Variants in PCDHB4 observed in about 807,000 individuals in gnomAD.
PCDHB4 encodes the protein protocadherin beta-4.
For synonymous variants in PCDHB4, 482 were observed against 447.3 expected (o/e 1.08, Z -0.98); for missense variants, 1,063 against 1,007.0 (o/e 1.06, Z -0.75).
At position 141,122,203 on chromosome 5, in the gene PCDHB4, G is replaced by A. The variant is rs782748805; in HGVS notation, c.205G>A (p.Asp69Asn). The A allele has an allele frequency of 1.9e-6, 3 of 1,614,182 alleles. No individual in the cohort carries two copies. The highest frequency in any genetic ancestry group is 1.1e-5 in the South Asian group (1 of 91,058). Residue 69 changes from aspartate to asparagine, a missense_variant, in exon 1 of 1, where the codon GAT becomes AAT. Physicochemically the swap from Asp to Asn is conservative, Grantham distance 23. Transcript: ENST00000194152. ...ASRSARVLSD[D>N]DKQRLQLDRQ... ...CCGGTCAGCCCGGGTGCTGTCTGAC[G>A]ATGACAAGCAGCGTTTGCAGCTGGA...
In PCDHB4 at chr5:141,124,634, A is replaced by G; in HGVS notation, c.*248A>G. On this transcript the variant is annotated 3_prime_UTR_variant, in exon 1 of 1. Coordinates refer to ENST00000194152, the MANE Select transcript of PCDHB4 (RefSeq NM_018938.4). ...TCTATTGGTGATTAATCTTTTTGTA[A>G]TCATAAATTACTCAATTAGGATAAA... The G allele has an allele frequency of 3.0e-6, 1 of 332,218 alleles. No homozygotes were observed. 20.6% of individuals were successfully genotyped at this position (332,218 alleles called of 1,614,324 possible). A position where few individuals can be genotyped will look rare whatever the true frequency, so the allele number is the denominator to read the frequency against.
rs782143153 is a variant in PCDHB4, at chr5:141,123,227, G to A, written c.1229G>A (p.Arg410Gln). The change falls in exon 1 of 1, where the codon CGA becomes CAA. Residue 410 changes from arginine (R) to glutamine (Q), a missense_variant. By Grantham distance (43) the Arg-to-Gln change is conservative. Coordinates refer to ENST00000194152, the MANE Select transcript of PCDHB4 (RefSeq NM_018938.4). ...YTLVTERPLD[R>Q]ETSAEYNITI... ...CTGGTAACAGAGAGACCACTGGACC[G>A]AGAGACCAGCGCTGAGTACAACATC... 6.2e-7 allele frequency: 1 copy of A among 1,614,152 alleles called. No individual in the cohort carries two copies. The highest frequency in any genetic ancestry group is 8.5e-7 in the Non-Finnish European group (1 of 1,180,038).
Position 141,122,453 on chromosome 5 carries a change from C to T in PCDHB4, c.455C>T (p.Pro152Leu). Residue 152 changes from proline to leucine, a missense_variant, in exon 1 of 1, where the codon CCG becomes CTG. Transcript: ENST00000194152. ...LENSQPGTLF[P>L]LLIAEDLDVG... Reference sequence around the variant, plus strand: ...AATAGCCAGCCGGGTACTCTATTTCCGTTGCTAATAGCTGAGGATTTGGAT... The same window carrying T: ...AATAGCCAGCCGGGTACTCTATTTCTGTTGCTAATAGCTGAGGATTTGGAT... 1 of 1,614,202 alleles carries T rather than the reference C, an allele frequency of 6.2e-7. No individual in the cohort carries two copies.
Position 141,122,827 on chromosome 5 carries a change from T to A in PCDHB4, c.829T>A (p.Ser277Thr). The stretch of plus-strand genomic sequence containing the variant: ...AGATGCTGGAAACTTCGGGAGTGTT[T>A]CTTATGGCTTATTCCAAGCATCAGA... The part of the protein sequence containing the change: ...DIDAGNFGSV[S>T]YGLFQASDEI... Residue 277 changes from serine to threonine, a missense_variant, in exon 1 of 1, where the codon TCT becomes ACT. Coordinates refer to ENST00000194152, the MANE Select transcript of PCDHB4 (RefSeq NM_018938.4). 1 of 1,614,036 alleles carries A rather than the reference T, an allele frequency of 6.2e-7. No individual in the cohort carries two copies. The highest frequency in any genetic ancestry group is 8.5e-7 in the Non-Finnish European group (1 of 1,179,906).
In PCDHB4 at chr5:141,123,735, C is replaced by A; in HGVS notation, c.1737C>A (p.Ala579=). The A allele has an allele frequency of 1.9e-6, 3 of 1,610,318 alleles. No homozygotes were observed. Among genetic ancestry groups the A allele is most frequent in the Non-Finnish European group, 2.5e-6 (3 of 1,179,582 alleles). ...APCTELVPRA[A]EPGYLVTKVV... ...GCACCGAGCTGGTGCCCCGGGCGGC[C>A]GAGCCGGGCTACCTGGTGACCAAGG... The change falls in exon 1 of 1, where the codon GCC becomes GCA. Residue 579 remains alanine (A), a synonymous_variant. Coordinates refer to ENST00000194152, the MANE Select transcript of PCDHB4 (RefSeq NM_018938.4).
In PCDHB4 at chr5:141,123,009, G is replaced by A. The variant is rs1752323443; in HGVS notation, c.1011G>A (p.Val337=). 3.7e-6 allele frequency: 6 copies of A among 1,614,018 alleles called. No homozygotes were observed. Among genetic ancestry groups the A allele is most frequent in the Non-Finnish European group, 5.1e-6 (6 of 1,179,996 alleles). ...SGKGTVVIEV[V]DVNDNPPELI... ...AAGGCACTGTAGTCATAGAGGTGGTGGATGTGAATGACAATCCCCCAGAAC... is the reference window on the plus strand; with the variant it reads ...AAGGCACTGTAGTCATAGAGGTGGTAGATGTGAATGACAATCCCCCAGAAC... The change falls in exon 1 of 1, where the codon GTG becomes GTA. Residue 337 remains valine (V), a synonymous_variant. Transcript: ENST00000194152.
Position 141,123,990 on chromosome 5 carries a change from C to T in PCDHB4, c.1992C>T (p.Gly664=). 1.2e-6 allele frequency: 2 copies of T among 1,604,714 alleles called. No homozygotes were observed. Among genetic ancestry groups the T allele is most frequent in the Non-Finnish European group, 8.5e-7 (1 of 1,179,714 alleles). The change falls in exon 1 of 1, where the codon GGC becomes GGT. Residue 664 remains glycine, a synonymous_variant. Coordinates refer to ENST00000194152, the MANE Select transcript of PCDHB4 (RefSeq NM_018938.4). ...CGCTGCACGTGCTCCTGGTGGATGG[C>T]TTCTCCCAGCCCTACCTGCCTCTCC... is the stretch of plus-strand genomic sequence containing the variant. ...TATLHVLLVD[G]FSQPYLPLPE... is the part of the protein sequence containing the mutation.
Position 141,123,054 on chromosome 5 carries a change from C to A in PCDHB4, c.1056C>A (p.Thr352=). ...NPPELIISSL[T]SSIPENAPET... is the part of the protein sequence containing the mutation. ...CAGAACTTATCATATCTTCACTCAC[C>A]AGCTCCATCCCAGAAAATGCTCCTG... Residue 352 remains threonine, a synonymous_variant, in exon 1 of 1, where the codon ACC becomes ACA. Coordinates refer to ENST00000194152, the MANE Select transcript of PCDHB4 (RefSeq NM_018938.4). 1 of 1,613,796 alleles carries A rather than the reference C, an allele frequency of 6.2e-7. No homozygotes were observed. Among genetic ancestry groups the A allele is most frequent in the Non-Finnish European group, 8.5e-7 (1 of 1,179,862 alleles).
chr5:141,123,868 C>A lies in PCDHB4; in HGVS notation c.1870C>A (p.Arg624Ser), dbSNP rs372114502. ...CGTGTGGGCGCACAATGGCGAGGTG[C>A]GCACCGCCAGGCTGCTGAGCGAGCG... The part of the protein sequence containing the change: ...FGVWAHNGEV[R>S]TARLLSERDA... The change falls in exon 1 of 1, where the codon CGC (arginine) becomes AGC (serine). Residue 624 changes from arginine (R) to serine (S), a missense_variant. Transcript: ENST00000194152. The A allele has an allele frequency of 6.2e-6, 10 of 1,607,514 alleles. No homozygotes were observed. The highest frequency in any genetic ancestry group is 2.2e-4 in the Middle Eastern group (1 of 4,450).
chr5:141,122,247 G>A lies in PCDHB4; in HGVS notation c.249G>A (p.Leu83=), dbSNP rs2149625557. 6.2e-7 allele frequency: 1 copy of A among 1,614,078 alleles called. No homozygotes were observed. Among genetic ancestry groups the A allele is most frequent in the Non-Finnish European group, 8.5e-7 (1 of 1,180,038 alleles). ...AGCTGGATCGTCAGACTGGAGATTT[G>A]CTTCTGAGGGAGAAACTAGACCGGG... ...RLQLDRQTGD[L]LLREKLDREE... The change falls in exon 1 of 1, where the codon TTG becomes TTA. Residue 83 remains leucine (L), a synonymous_variant. Coordinates refer to ENST00000194152, the MANE Select transcript of PCDHB4 (RefSeq NM_018938.4).
At position 141,124,145 on chromosome 5, in the gene PCDHB4, G is replaced by T; in HGVS notation, c.2147G>T (p.Ser716Ile). Residue 716 changes from serine (S) to isoleucine (I), a missense_variant, in exon 1 of 1, where the codon AGC becomes ATC. Physicochemically the swap from Ser to Ile is moderately radical, Grantham distance 142 (BLOSUM62 -2). Transcript: ENST00000194152. ...LFVAVRLCRR[S>I]RAASVGRCSV... ...GTGGCGGTGCGGCTGTGCAGGAGGA[G>T]CAGGGCGGCCTCGGTGGGTCGCTGC... 2 of 1,612,178 alleles carry T rather than the reference G, an allele frequency of 1.2e-6. No individual in the cohort carries two copies. The highest frequency in any genetic ancestry group is 1.7e-6 in the Non-Finnish European group (2 of 1,179,962).
chr5:141,123,987 T>G lies in PCDHB4; in HGVS notation c.1989T>G (p.Asp663Glu), dbSNP rs17844418. Residue 663 changes from aspartate to glutamate, a missense_variant, in exon 1 of 1, where the codon GAT becomes GAG. Physicochemically the swap from Asp to Glu is conservative, Grantham distance 45. Coordinates refer to ENST00000194152, the MANE Select transcript of PCDHB4 (RefSeq NM_018938.4). Reference protein sequence around the residue: ...ATATLHVLLVDGFSQPYLPLP... With the variant: ...ATATLHVLLVEGFSQPYLPLP... ...CCACGCTGCACGTGCTCCTGGTGGA[T>G]GGCTTCTCCCAGCCCTACCTGCCTC... is the stretch of plus-strand genomic sequence containing the variant. 77 of 1,604,620 alleles carry G rather than the reference T, an allele frequency of 4.8e-5. No homozygotes were observed. Among genetic ancestry groups the G allele is most frequent in the Non-Finnish European group, 6.1e-5 (72 of 1,179,720 alleles).
At position 141,122,352 on chromosome 5, in the gene PCDHB4, A is replaced by G. The variant is rs1554274330; in HGVS notation, c.354A>G (p.Gly118=). ...AAATGCCGGTGCAATTTTTTCAAGG[A>G]GAATTATTGATCCAGGACATAAATG... ...FLEMPVQFFQ[G]ELLIQDINDH... Residue 118 remains glycine, a synonymous_variant, in exon 1 of 1, where the codon GGA becomes GGG. Transcript: ENST00000194152. 6.2e-7 allele frequency: 1 copy of G among 1,614,142 alleles called. No individual in the cohort carries two copies. Among genetic ancestry groups the G allele is most frequent in the Non-Finnish European group, 8.5e-7 (1 of 1,180,012 alleles).
At position 141,124,651 on chromosome 5, in the gene PCDHB4, T is replaced by C. The variant is rs1199060982; in HGVS notation, c.*265T>C. 3.4e-6 allele frequency: 1 copy of C among 293,856 alleles called. No individual in the cohort carries two copies. The highest frequency in any genetic ancestry group is 6.2e-6 in the Non-Finnish European group (1 of 160,258). 18.2% of individuals were successfully genotyped at this position (293,856 alleles called of 1,614,324 possible). A position where few individuals can be genotyped will look rare whatever the true frequency, so the allele number is the denominator to read the frequency against. Reference sequence around the variant, plus strand: ...TTTTTGTAATCATAAATTACTCAATTAGGATAAAAATAAATTATGTTTTAA... The same window carrying C: ...TTTTTGTAATCATAAATTACTCAATCAGGATAAAAATAAATTATGTTTTAA... On this transcript the variant is annotated 3_prime_UTR_variant, in exon 1 of 1. Coordinates refer to ENST00000194152, the MANE Select transcript of PCDHB4 (RefSeq NM_018938.4).
At position 141,123,816 on chromosome 5, in the gene PCDHB4, C is replaced by G; in HGVS notation, c.1818C>G (p.Leu606=). 6 of 1,609,766 alleles carry G rather than the reference C, an allele frequency of 3.7e-6. No homozygotes were observed. The highest frequency in any genetic ancestry group is 1.3e-5 in the African/African-American group (1 of 74,992). The change falls in exon 1 of 1, where the codon CTC becomes CTG. Residue 606 remains leucine, a synonymous_variant. Transcript: ENST00000194152. ...ACGCCTGGCTGTCGTACCAGCTGCT[C>G]AAGGCCACGGAGCCTGGGCTGTTCG... ...GQNAWLSYQL[L]KATEPGLFGV...
rs144981797 is a variant in PCDHB4, at chr5:141,122,179, C to G, written c.181C>G (p.Arg61Gly). ...LGLGIGELAS[R>G]SARVLSDDDK... ...CCTGGGAATTGGGGAACTGGCCTCCCGGTCAGCCCGGGTGCTGTCTGACGA... is the reference window on the plus strand; with the variant it reads ...CCTGGGAATTGGGGAACTGGCCTCCGGGTCAGCCCGGGTGCTGTCTGACGA... The change falls in exon 1 of 1, where the codon CGG becomes GGG. Residue 61 changes from arginine to glycine, a missense_variant. Arg to Gly is a moderately radical substitution (Grantham distance 125). Transcript: ENST00000194152. 7.5e-5 allele frequency: 121 copies of G among 1,614,066 alleles called. No homozygotes were observed. The highest frequency in any genetic ancestry group is 9.4e-5 in the Non-Finnish European group (111 of 1,180,050).
rs531322830 is a variant in PCDHB4, at chr5:141,121,911, G to T, written c.-88G>T. The T allele has an allele frequency of 2.1e-6, 2 of 934,026 alleles. No homozygotes were observed. Among genetic ancestry groups the T allele is most frequent in the Admixed American group, 2.7e-5 (1 of 37,302 alleles). The allele number at this position is 934,026 out of a possible 1,614,324, so 57.9% of individuals were successfully genotyped here. The stretch of plus-strand genomic sequence containing the variant: ...TTAATATTAAAAGCAACTGTGTGAC[G>T]ATTCCTCCAAGCAAGAAATTGGAAT... On this transcript the variant is annotated 5_prime_UTR_variant, in exon 1 of 1. Transcript: ENST00000194152.
At position 141,123,842 on chromosome 5, in the gene PCDHB4, G is replaced by A. The variant is rs782443903; in HGVS notation, c.1844G>A (p.Gly615Asp). 6.2e-7 allele frequency: 1 copy of A among 1,608,844 alleles called. No homozygotes were observed. The highest frequency in any genetic ancestry group is 1.1e-5 in the South Asian group (1 of 90,968). The change falls in exon 1 of 1, where the codon GGC (glycine) becomes GAC (aspartate). Residue 615 changes from glycine (G) to aspartate (D), a missense_variant. By Grantham distance (94) the Gly-to-Asp change is moderately conservative. Transcript: ENST00000194152. Reference protein sequence around the residue: ...LLKATEPGLFGVWAHNGEVRT... With the variant: ...LLKATEPGLFDVWAHNGEVRT... Reference sequence around the variant, plus strand: ...AAGGCCACGGAGCCTGGGCTGTTCGGCGTGTGGGCGCACAATGGCGAGGTG... The same window carrying A: ...AAGGCCACGGAGCCTGGGCTGTTCGACGTGTGGGCGCACAATGGCGAGGTG...
chr5:141,124,452 T>G lies in PCDHB4; in HGVS notation c.*66T>G, dbSNP rs1409409418. On this transcript the variant is annotated 3_prime_UTR_variant, in exon 1 of 1. Coordinates refer to ENST00000194152, the MANE Select transcript of PCDHB4 (RefSeq NM_018938.4). ...AAACTTCCCACTGCAATGCCTTTAT[T>G]TAAAAAAATTGTCTACTTATCTAAA... 1 of 1,322,046 alleles carries G rather than the reference T, an allele frequency of 7.6e-7. No homozygotes were observed. The highest frequency in any genetic ancestry group is 1.5e-5 in the African/African-American group (1 of 67,540). The allele number at this position is 1,322,046 out of a possible 1,614,324, so 81.9% of individuals were successfully genotyped here. A position where few individuals can be genotyped will look rare whatever the true frequency, so the allele number is the denominator to read the frequency against.
Sources: allele counts gnomAD v4.1 joint callset, GRCh38; gene constraint gnomAD v4.1.1; transcripts MANE v1.5; gene names NCBI Gene and HGNC (gene_info 2026-07-23, HGNC 2026-07-21).